Variants in CAMK1D observed in about 807,000 individuals in gnomAD.
CAMK1D encodes the protein calcium/calmodulin-dependent protein kinase type 1D.
In CAMK1D, 9 loss-of-function variants were observed where a neutral mutation model predicts 47.7. The observed-to-expected ratio is 0.19, with a 90% CI of 0.11 to 0.33. CAMK1D has a LOEUF of 0.33. CAMK1D is among the 10% of genes least tolerant of loss of function. The pLI, the probability that CAMK1D is intolerant of heterozygous loss-of-function variation, is 1.00. For synonymous variants in CAMK1D, 184 were observed against 184.9 expected (o/e 0.99, Z 0.04); for missense variants, 291 against 488.7 (o/e 0.60, Z 3.81).
At chr10:12,671,055 G>T (rs1488085577) in intron 3 of CAMK1D, among the ~76,000 whole-genome samples, 1 of 151,362 alleles carries the variant, frequency 6.6e-6, no homozygotes, top group African/African-American at 2.4e-5. Flanking sequence ...TATACAACAT[G>T]TGATCTTTCG....
chr10:12,466,072 G>T (rs1376691812), intron 1 of CAMK1D, among the ~76,000 whole-genome samples: 1 of 152,074 alleles, frequency 6.6e-6, no homozygotes, highest in East Asian at 1.9e-4. Flanking sequence ...AATCCCAGCT[G>T]CTTGGGAGGT....
intron 2 of CAMK1D, among the ~76,000 whole-genome samples, chr10:12,595,725 T>C (rs1169302194): frequency 6.6e-6 from 1 of 152,130 alleles, no homozygotes; most frequent in Non-Finnish European, 1.5e-5. Flanking sequence ...CACTGCCACC[T>C]GAGGAAGCGT....
chr10:12,756,296 A>G (rs1836224571), intron 3 of CAMK1D, among the ~76,000 whole-genome samples: 1 of 152,232 alleles, frequency 6.6e-6, no homozygotes, highest in Non-Finnish European at 1.5e-5. Context: ...CAGGATATCT[A>G]CCAAAATCAA....
intron 6 of CAMK1D, among the ~76,000 whole-genome samples, chr10:12,798,212 C>G (rs952372824): frequency 1.3e-5 from 2 of 152,192 alleles, no homozygotes; most frequent in African/African-American, 4.8e-5. Flanking sequence ...ACCCCATCTC[C>G]TAGAAGCCAT....
At chr10:12,599,147 A>G (rs1299801473) in intron 2 of CAMK1D, among the ~76,000 whole-genome samples, 4 of 152,232 alleles carry the variant, frequency 2.6e-5, no homozygotes, top group Non-Finnish European at 5.9e-5. Context: ...TTTGTTGAAC[A>G]GTTAGGCTAA....
chr10:12,377,939 T>G (rs1838230359), intron 1 of CAMK1D, among the ~76,000 whole-genome samples: 1 of 152,242 alleles, frequency 6.6e-6, no homozygotes, highest in Non-Finnish European at 1.5e-5. Context: ...TTGCATTAGG[T>G]TAACATCCAA....
intron 2 of CAMK1D, among the ~76,000 whole-genome samples, chr10:12,586,793 T>TA (rs1837831975): frequency 6.6e-6 from 1 of 152,180 alleles, no homozygotes; most frequent in African/African-American, 2.4e-5. Context: ...TGTAATCTCA[T>TA]AAAAAAGAGC....
chr10:12,564,111 G>T (rs1837041647), intron 2 of CAMK1D, among the ~76,000 whole-genome samples: 1 of 142,502 alleles, frequency 7.0e-6, no homozygotes, highest in African/African-American at 2.6e-5. Flanking sequence ...AGATCTGTCT[G>T]TCTAGATGTC....
chr10:12,786,329 G>T (rs1198366406), intron 5 of CAMK1D, among the ~76,000 whole-genome samples: 1 of 151,950 alleles, frequency 6.6e-6, no homozygotes, highest in Non-Finnish European at 1.5e-5. Flanking sequence ...ACCTCTAATT[G>T]GTTAAAAAAT....
At chr10:12,399,504 A>G (rs75677201) in intron 1 of CAMK1D, among the ~76,000 whole-genome samples, 11 of 142,758 alleles carry the variant, frequency 7.7e-5, no homozygotes, top group Admixed American at 2.8e-4. Context: ...ACTCCGTCTG[A>G]AAAAAAAAAA....
chr10:12,377,480 TCTTCC>T (rs1838218285), intron 1 of CAMK1D, among the ~76,000 whole-genome samples: 1 of 152,246 alleles, frequency 6.6e-6, no homozygotes, highest in African/African-American at 2.4e-5. Flanking sequence ...AGCTCAATGT[TCTTCC>T]CTTAAGATTT....
intron 2 of CAMK1D, among the ~76,000 whole-genome samples, chr10:12,617,134 T>C (rs1437935569): frequency 6.6e-6 from 1 of 152,078 alleles, no homozygotes; most frequent in East Asian, 1.9e-4. Flanking sequence ...GCTGATAGAA[T>C]TGGGAAGAAA....
intron 1 of CAMK1D, among the ~76,000 whole-genome samples, chr10:12,403,731 A>C (rs573368326): frequency 2.0e-5 from 3 of 152,316 alleles, no homozygotes; most frequent in African/African-American, 7.2e-5. Context: ...TAATTTTATT[A>C]ATAATAATTT....
chr10:12,680,854 C>T (rs1038123100), intron 3 of CAMK1D, among the ~76,000 whole-genome samples: 5 of 150,162 alleles, frequency 3.3e-5, no homozygotes, highest in African/African-American at 1.2e-4. Context: ...CACTTCATTC[C>T]AGCCTGGGTG....
chr10:12,783,544 C>T (rs1564558525), intron 5 of CAMK1D, among the ~76,000 whole-genome samples: 2 of 152,038 alleles, frequency 1.3e-5, no homozygotes, highest in South Asian at 2.1e-4. Flanking sequence ...CCTTGGGGCT[C>T]GGGAAAGGGA....
At chr10:12,580,681 C>A (rs7076395) in intron 2 of CAMK1D, among the ~76,000 whole-genome samples, 29,325 of 152,022 alleles carry the variant, frequency 0.19, 5,193 homozygotes, top group African/African-American at 0.46. Context: ...TCATATGGAC[C>A]CCAGCCTAAG....
rs551043482 is a variant in CAMK1D, at chr10:12,738,709, G to A, written c.300-22239G>A. Among the ~76,000 whole-genome samples, 50 of 152,146 alleles carry A rather than the reference G, an allele frequency of 3.3e-4. 2 individuals are homozygous for A. The South Asian group carries it at 9.8e-3, about 30-fold the overall frequency. ...TAGCCGGGCGTGGTGGCTCGCACCTGTAATCCCAGCTACTCAGGAGGCTGA... is the reference window on the plus strand; with the variant it reads ...TAGCCGGGCGTGGTGGCTCGCACCTATAATCCCAGCTACTCAGGAGGCTGA... On this transcript the variant is annotated intron_variant, in intron 3 of 10. Coordinates refer to ENST00000619168, the MANE Select transcript of CAMK1D (RefSeq NM_153498.4).
At chr10:12,500,337 G>T (rs1194980566) in intron 1 of CAMK1D, among the ~76,000 whole-genome samples, 1 of 152,122 alleles carries the variant, frequency 6.6e-6, no homozygotes, top group African/African-American at 2.4e-5. Context: ...TGTCTCCTGG[G>T]TCAGAATTAG....
chr10:12,551,883 G>A lies in CAMK1D; in HGVS notation c.93-1342G>A, dbSNP rs530040781. On this transcript the variant is annotated intron_variant, in intron 1 of 10. Coordinates refer to ENST00000619168, the MANE Select transcript of CAMK1D (RefSeq NM_153498.4). Reference sequence around the variant, plus strand: ...GTTGGGGACCATTGGACTGAAGAAGGTAGGGCCTGAAGACCTGGTATTGCC... The same window carrying A: ...GTTGGGGACCATTGGACTGAAGAAGATAGGGCCTGAAGACCTGGTATTGCC... 3.9e-5 allele frequency among the ~76,000 whole-genome samples: 6 copies of A among 152,342 alleles called. No individual in the cohort carries two copies. In the South Asian group the frequency reaches 8.3e-4, roughly 21 times the overall value.
Sources: allele counts gnomAD v4.1 joint callset (sites outside exome capture counted in the v4.1 genomes callset), GRCh38; gene constraint gnomAD v4.1.1; transcripts MANE v1.5; gene names NCBI Gene and HGNC (gene_info 2026-07-23, HGNC 2026-07-21).